The following RANBP2 variants were observed in gnomAD, a reference collection of about 807,000 sequenced individuals.
RANBP2 encodes E3 SUMO-protein ligase RanBP2.
Under a neutral mutation model 303.6 loss-of-function variants are expected in RANBP2, and 57 were observed. The ratio of observed to expected loss-of-function variants is 0.19; its 90% confidence interval spans 0.15 to 0.23. The LOEUF (loss-of-function observed/expected upper bound fraction) is 0.23. RANBP2 is among the 10% of genes least tolerant of loss of function. The probability of loss-of-function intolerance (pLI) is 1.00; values close to 1 mark genes in which losing one functional copy is unlikely to be tolerated. For synonymous variants in RANBP2, 1,167 were observed against 1,301.5 expected (o/e 0.90, Z 2.23); for missense variants, 3,138 against 3,780.8 (o/e 0.83, Z 4.46).
chr2:109,558,420 C>G, the RANBP2 span, among the ~76,000 whole-genome samples: 1 of 152,302 alleles, frequency 6.6e-6, no homozygotes, highest in East Asian at 1.9e-4. Flanking sequence ...TCCCACAATA[C>G]TTCAATGACA....
the RANBP2 span, among the ~76,000 whole-genome samples, chr2:108,973,921 A>G: frequency 6.6e-6 from 1 of 152,214 alleles, no homozygotes; most frequent in African/African-American, 2.4e-5. Flanking sequence ...TTTTAAACCA[A>G]TTACGGAGCT....
intron 6 of RANBP2, among the ~76,000 whole-genome samples, chr2:108,739,130 C>T (rs886608039): frequency 5.3e-5 from 8 of 151,658 alleles, no homozygotes; most frequent in African/African-American, 1.7e-4. Flanking sequence ...CAGCGGGGCG[C>T]GGTGGCTCAG....
chr2:109,503,943 A>T, the RANBP2 span: 1 of 152,252 alleles, frequency 6.6e-6, no homozygotes, highest in Non-Finnish European at 1.5e-5. Flanking sequence ...GGCCGCTTTC[A>T]GGGCAGAGTC....
At chr2:109,657,989 G>T in the RANBP2 span, among the ~76,000 whole-genome samples, 2 of 151,766 alleles carry the variant, frequency 1.3e-5, no homozygotes, top group South Asian at 4.2e-4. Context: ...CAAAGTGCTG[G>T]GATTACAGGC....
chr2:108,944,378 T>G, the RANBP2 span, among the ~76,000 whole-genome samples: 4 of 152,202 alleles, frequency 2.6e-5, no homozygotes. Context: ...CCTCCCAAAG[T>G]GCTGGGATTA....
rs542782897 is a variant in RANBP2, at chr2:108,721,483, C to G, written c.72+1805C>G. On this transcript the variant is annotated intron_variant, in intron 1 of 28. Transcript: ENST00000283195. ...TTTGAGGTGGGGTCTCACTCTGTCA[C>G]CCAGCTGGATGCAGTGGCGCTATCT... Among the ~76,000 whole-genome samples, 87 of 152,208 alleles carry G rather than the reference C, an allele frequency of 5.7e-4. No homozygotes were observed. The South Asian group carries it at 0.016, about 29-fold the overall frequency.
At chr2:108,873,338 T>C in the RANBP2 span, 6 of 1,012,846 alleles carry the variant, frequency 5.9e-6, no homozygotes, top group Non-Finnish European at 8.0e-6. Context: ...ATGAAAAGAA[T>C]GAAAATCTAA....
At chr2:109,366,570 T>G in the RANBP2 span, among the ~76,000 whole-genome samples, 2 of 152,200 alleles carry the variant, frequency 1.3e-5, no homozygotes, top group Non-Finnish European at 1.5e-5. Flanking sequence ...GCTTTATGGC[T>G]GGGCATGGTG....
chr2:108,978,379 G>A, the RANBP2 span, among the ~76,000 whole-genome samples: 1 of 152,150 alleles, frequency 6.6e-6, no homozygotes, highest in South Asian at 2.1e-4. Flanking sequence ...AGTACAAAAA[G>A]CTCAGTAAAA....
the RANBP2 span, among the ~76,000 whole-genome samples, chr2:109,587,448 A>G: frequency 6.6e-6 from 1 of 152,040 alleles, no homozygotes; most frequent in African/African-American, 2.4e-5. Context: ...AGAAGGTGAA[A>G]GTGGGGGGTA....
At chr2:108,944,724 C>T in the RANBP2 span, among the ~76,000 whole-genome samples, 2 of 152,120 alleles carry the variant, frequency 1.3e-5, no homozygotes, top group East Asian at 3.9e-4. Flanking sequence ...GCTGCAGCAC[C>T]CCCACCGTGC....
the RANBP2 span, among the ~76,000 whole-genome samples, chr2:109,293,801 T>C: frequency 6.6e-6 from 1 of 152,344 alleles, no homozygotes; most frequent in East Asian, 1.9e-4. Flanking sequence ...GCTGGGGTTT[T>C]GTTACAGATC....
the RANBP2 span, among the ~76,000 whole-genome samples, chr2:109,176,161 A>G: frequency 1.3e-5 from 2 of 152,208 alleles, no homozygotes; most frequent in Non-Finnish European, 2.9e-5. Flanking sequence ...TTGAAAATTC[A>G]AAGGGTAATA....
the RANBP2 span, among the ~76,000 whole-genome samples, chr2:109,073,223 G>A: frequency 3.9e-5 from 6 of 152,102 alleles, no homozygotes; most frequent in African/African-American, 1.4e-4. Flanking sequence ...ATTAAAAAGT[G>A]CCAAACAGAA....
At chr2:108,834,256 G>T in the RANBP2 span, among the ~76,000 whole-genome samples, 2 of 141,052 alleles carry the variant, frequency 1.4e-5, no homozygotes, top group African/African-American at 2.8e-5. Context: ...TCTGTCACAC[G>T]AGCTGGAGTG....
At chr2:109,738,944 T>C in the RANBP2 span, among the ~76,000 whole-genome samples, 2 of 151,458 alleles carry the variant, frequency 1.3e-5, no homozygotes, top group Admixed American at 1.3e-4. Context: ...AGGTGAGAGA[T>C]AGGAATCAAG....
the RANBP2 span, among the ~76,000 whole-genome samples, chr2:109,131,312 G>A: frequency 2.6e-5 from 4 of 152,096 alleles, no homozygotes; most frequent in African/African-American, 7.2e-5. Flanking sequence ...GGGGTCACTT[G>A]GGGGGCACTG....
the RANBP2 span, among the ~76,000 whole-genome samples, chr2:109,774,505 T>TATATATATATATAAAAA: frequency 6.2e-5 from 2 of 32,092 alleles, 1 homozygote; most frequent in Non-Finnish European, 9.1e-5. Context: ...CAAACATATA[T>TATATATATATATAAAAA]ATATATATAA....
the RANBP2 span, among the ~76,000 whole-genome samples, chr2:109,429,801 C>T: frequency 5.3e-5 from 8 of 152,342 alleles, no homozygotes; most frequent in South Asian, 1.2e-3. Flanking sequence ...GGAGGAAGCA[C>T]GTTGCACAGG....
Sources: allele counts gnomAD v4.1 joint callset (sites outside exome capture counted in the v4.1 genomes callset), GRCh38; gene constraint gnomAD v4.1.1; transcripts MANE v1.5; gene names NCBI Gene and HGNC (gene_info 2026-07-23, HGNC 2026-07-21).